PTPRR: variants seen among roughly 807,000 people sequenced by gnomAD.
PTPRR encodes receptor-type tyrosine-protein phosphatase R.
In PTPRR, 38 loss-of-function variants were observed where a neutral mutation model predicts 77.2. The ratio of observed to expected loss-of-function variants is 0.49; its 90% CI spans 0.38 to 0.65. The LOEUF is 0.65. PTPRR is among the 30% of genes least tolerant of loss of function. The pLI is 0.00. For synonymous variants in PTPRR, 299 were observed against 283.1 expected (o/e 1.06, Z -0.57); for missense variants, 744 against 799.2 (o/e 0.93, Z 0.83).
intron 6 of PTPRR, among the ~76,000 whole-genome samples, chr12:70,724,773 A>G (rs1188838012): frequency 6.6e-6 from 1 of 152,074 alleles, no homozygotes; most frequent in African/African-American, 2.4e-5. Flanking sequence ...TAGTGTGTGT[A>G]TATATATGTA....
chr12:70,642,561 T>C (rs17108498), intron 13 of PTPRR, among the ~76,000 whole-genome samples: 2,305 of 152,276 alleles, frequency 0.015, 65 homozygotes, highest in African/African-American at 0.052. Flanking sequence ...CTAATCCCAT[T>C]CTATAATTAT....
At chr12:70,821,342 A>G (rs2137040736) in intron 2 of PTPRR, among the ~76,000 whole-genome samples, 1 of 148,288 alleles carries the variant, frequency 6.7e-6, no homozygotes, top group African/African-American at 2.5e-5. Flanking sequence ...CTCCTGCCTC[A>G]GCCTCCTGAG....
chr12:70,767,299 A>T (rs80046272), intron 2 of PTPRR, among the ~76,000 whole-genome samples: 2 of 151,744 alleles, frequency 1.3e-5, no homozygotes, highest in African/African-American at 4.8e-5. Flanking sequence ...ACATAGGCTC[A>T]AAATAAAGGG....
At chr12:70,873,341 C>T (rs1233954243) in intron 2 of PTPRR, among the ~76,000 whole-genome samples, 3 of 152,166 alleles carry the variant, frequency 2.0e-5, no homozygotes, top group African/African-American at 7.2e-5. Flanking sequence ...CAACTTATGC[C>T]AGTCAAAATG....
At chr12:70,643,716 G>A (rs936365400) in intron 13 of PTPRR, among the ~76,000 whole-genome samples, 3 of 152,076 alleles carry the variant, frequency 2.0e-5, no homozygotes, top group Non-Finnish European at 1.5e-5. Context: ...CTGATATAAA[G>A]TTCCCAATAC....
chr12:70,686,891 T>C lies in PTPRR; in HGVS notation c.1280-2108A>G, dbSNP rs549641147. On this transcript the variant is annotated intron_variant, in intron 8 of 13. Coordinates refer to ENST00000283228, the MANE Select transcript of PTPRR (RefSeq NM_002849.4). ...AGAAATTGTGAGATATAAATGTGTA[T>C]TGTTTTAAGCCACTAAATTTTGGGG... 1.3e-5 allele frequency among the ~76,000 whole-genome samples: 2 copies of C among 152,274 alleles called. 1 individual carries two copies. Among genetic ancestry groups the C allele is most frequent in the South Asian group, 4.1e-4 (2 of 4,822 alleles).
chr12:70,643,056 A>G (rs998939935), intron 13 of PTPRR, among the ~76,000 whole-genome samples: 3 of 152,172 alleles, frequency 2.0e-5, no homozygotes, highest in Non-Finnish European at 4.4e-5. Context: ...TGTGGTCCCA[A>G]CTACACAGGA....
rs940307601 is a variant in PTPRR at position 70,648,709 on chromosome 12, A to C, written c.1880+7995T>G. Among the ~76,000 whole-genome samples the C allele has an allele frequency of 1.1e-4, 17 of 152,108 alleles. 1 individual carries two copies. The highest frequency in any genetic ancestry group is 9.2e-4 in the Admixed American group (14 of 15,274). Reference sequence around the variant, plus strand: ...GACATCTAGTCCAGAGATGTCCGGCACCTCATTCTTTTGCTAGTCTTACCA... The same window carrying C: ...GACATCTAGTCCAGAGATGTCCGGCCCCTCATTCTTTTGCTAGTCTTACCA... On this transcript the variant is annotated intron_variant, in intron 13 of 13. Transcript: ENST00000283228.
In PTPRR at chr12:70,689,751, A is replaced by T. The variant is rs143196932; in HGVS notation, c.1280-4968T>A. On this transcript the variant is annotated intron_variant, in intron 8 of 13. Transcript: ENST00000283228. ...GCGCCCTAAAAGCTTCTTGCCAAGC[A>T]TGCTCCGTGCTGTCTGGCATTTTTG... 4.1e-4 allele frequency among the ~76,000 whole-genome samples: 63 copies of T among 152,270 alleles called. 1 individual carries two copies. The East Asian group carries it at 0.011, about 27-fold the overall frequency.
At chr12:70,673,022 G>A (rs1128407) in intron 10 of PTPRR, 2 of 1,174,596 alleles carry the variant, frequency 1.7e-6, no homozygotes, top group African/African-American at 2.0e-5. Flanking sequence ...TAAATACGTC[G>A]GGCCAAAGCA....
intron 2 of PTPRR, among the ~76,000 whole-genome samples, chr12:70,847,742 TC>T (rs1283614397): frequency 6.6e-6 from 1 of 152,118 alleles, no homozygotes; most frequent in East Asian, 1.9e-4. Context: ...TTTTTAAACT[TC>T]AAAATTTTGT....
chr12:70,777,593 A>T lies in PTPRR; in HGVS notation c.358-12815T>A, dbSNP rs115995336. Among the ~76,000 whole-genome samples, 784 of 152,270 alleles carry T rather than the reference A, an allele frequency of 5.1e-3. 4 individuals are homozygous for T. Among genetic ancestry groups the T allele is most frequent in the African/African-American group, 0.018 (760 of 41,552 alleles). On this transcript the variant is annotated intron_variant, in intron 2 of 13. Transcript: ENST00000283228. ...ATTGACATTATATTCTGTGTATTAGAGACTACCCAGAATTCTCCATGATCA... is the reference window on the plus strand; with the variant it reads ...ATTGACATTATATTCTGTGTATTAGTGACTACCCAGAATTCTCCATGATCA...
At chr12:70,797,465 C>T (rs1281822282) in intron 2 of PTPRR, among the ~76,000 whole-genome samples, 5 of 152,024 alleles carry the variant, frequency 3.3e-5, no homozygotes, top group Admixed American at 2.0e-4. Context: ...ATAGATTCCA[C>T]ATCTCTCTCT....
At chr12:70,754,839 G>C in intron 4 of PTPRR, 9 of 1,140,770 alleles carry the variant, frequency 7.9e-6, no homozygotes, top group Non-Finnish European at 9.5e-6. Flanking sequence ...TAGAGTCTCT[G>C]CTGTCAAAAC....
chr12:70,791,453 C>A (rs374730076), intron 2 of PTPRR, among the ~76,000 whole-genome samples: 1 of 152,156 alleles, frequency 6.6e-6, no homozygotes, highest in Non-Finnish European at 1.5e-5. Flanking sequence ...TAGAATACCA[C>A]GTTTCCTGTC....
In PTPRR at chr12:70,918,319, G is replaced by A. The variant is rs144707982; in HGVS notation, c.58+2014C>T. ...CAATCTGCTGTGATAAAACACCAAT[G>A]TATTTTACTATATTAAATATGAATA... On this transcript the variant is annotated intron_variant, in intron 1 of 13. Transcript: ENST00000283228. Among the ~76,000 whole-genome samples, 582 of 152,256 alleles carry A rather than the reference G, an allele frequency of 3.8e-3. 2 individuals carry two copies. The highest frequency in any genetic ancestry group is 0.013 in the African/African-American group (551 of 41,560).
At chr12:70,711,361 AG>A (rs1362679450) in intron 6 of PTPRR, among the ~76,000 whole-genome samples, 1 of 152,092 alleles carries the variant, frequency 6.6e-6, no homozygotes, top group Non-Finnish European at 1.5e-5. Context: ...GGATATGTAG[AG>A]GGGAAAAACA....
At chr12:70,818,697 A>C (rs940393044) in intron 2 of PTPRR, among the ~76,000 whole-genome samples, 1 of 152,174 alleles carries the variant, frequency 6.6e-6, no homozygotes, top group African/African-American at 2.4e-5. Flanking sequence ...ACTTTACCAA[A>C]AATCTGTGTC....
intron 2 of PTPRR, among the ~76,000 whole-genome samples, chr12:70,811,105 TA>T (rs1199705258): frequency 6.6e-5 from 10 of 151,638 alleles, no homozygotes; most frequent in African/African-American, 2.4e-4. Context: ...AAACACAAGA[TA>T]AAAAAAAGAG....
Sources: gnomAD v4.1 joint callset for allele counts (sites outside exome capture counted in the v4.1 genomes callset) on GRCh38, gnomAD v4.1.1 for gene constraint, MANE v1.5 for transcripts, NCBI Gene and HGNC (gene_info 2026-07-23, HGNC 2026-07-21) for gene names.